Variants in RNF19A observed in about 807,000 individuals in gnomAD.
RNF19A encodes the protein ring finger protein 19A, RBR E3 ubiquitin protein ligase, also known as E3 ubiquitin-protein ligase RNF19A.
A neutral mutation model predicts 75.7 loss-of-function variants in RNF19A; 32 were observed. The observed-to-expected ratio is 0.42, with a 90% CI of 0.32 to 0.57. The LOEUF is 0.57. Among genes scored for constraint, RNF19A ranks in the 20% least tolerant of loss-of-function variants. The pLI is 0.10. For synonymous variants in RNF19A, 335 were observed against 345.2 expected (o/e 0.97, Z 0.33); for missense variants, 782 against 1,036.3 (o/e 0.75, Z 3.37).
At position 100,261,447 on chromosome 8, in the gene RNF19A, T is replaced by G; in HGVS notation, c.1682+95A>C. The G allele has an allele frequency of 1.8e-6, 2 of 1,082,300 alleles. No homozygotes were observed. Among genetic ancestry groups the G allele is most frequent in the South Asian group, 2.7e-5 (2 of 73,378 alleles). The allele number at this position is 1,082,300 out of a possible 1,614,324, so 67.0% of individuals were successfully genotyped here. A position where few individuals can be genotyped will look rare whatever the true frequency, so the allele number is the denominator to read the frequency against. On this transcript the variant is annotated intron_variant, in intron 8 of 9. Coordinates refer to ENST00000341084, the MANE Select transcript of RNF19A (RefSeq NM_183419.4). This position sits in a 1 kb window ranked among gnomAD's most constrained non-coding sequence, Gnocchi z 4.4. Reference sequence around the variant, plus strand: ...ATTTTGAACCTTGACATAGTAGGGTTATATATAATCATCATGCTTTATGTT... The same window carrying G: ...ATTTTGAACCTTGACATAGTAGGGTGATATATAATCATCATGCTTTATGTT...
At chr8:100,310,342 C>T (rs894060429), upstream of RNF19A, 2 of 722,742 alleles carry the variant, frequency 2.8e-6, no homozygotes, top group African/African-American at 3.8e-5. Flanking sequence ...CTGTCCCTGG[C>T]GGAGGGGACT....
At position 100,317,404 on chromosome 8, in the gene RNF19A, A is replaced by G. The variant is rs1054779718; in HGVS notation, c.-242-4032T>C. 2.6e-5 allele frequency among the ~76,000 whole-genome samples: 4 copies of G among 152,196 alleles called. No homozygotes were observed. Among genetic ancestry groups the G allele is most frequent in the South Asian group, 2.1e-4 (1 of 4,834 alleles). On this transcript the variant is annotated intron_variant, in intron 1 of 3. Transcript: ENST00000519527. The surrounding 1 kb of genome is among the most constrained non-coding windows in gnomAD (Gnocchi z 4.3). The stretch of plus-strand genomic sequence containing the variant: ...CAACTTCAGGAAGTTTTCTTCCACT[A>G]GATCTCTCACTGGGCCCTTCAGAGA...
In RNF19A at chr8:100,257,294, G is replaced by A. The variant is rs1479825840; in HGVS notation, c.*1262C>T. 1 of 152,480 alleles carries A rather than the reference G, an allele frequency of 6.6e-6. No homozygotes were observed. The allele number at this position is 152,480 out of a possible 1,614,324, so 9.4% of individuals were successfully genotyped here. A position where few individuals can be genotyped will look rare whatever the true frequency, so the allele number is the denominator to read the frequency against. ...GAAAACGCTCAGTAGCACCATAATGGTAATACTTAAAAGAAATACATAAGA... is the reference window on the plus strand; with the variant it reads ...GAAAACGCTCAGTAGCACCATAATGATAATACTTAAAAGAAATACATAAGA... On this transcript the variant is annotated 3_prime_UTR_variant, in exon 10 of 10. Transcript: ENST00000341084.
chr8:100,297,787 T>C (rs1482067254), intron 1 of RNF19A, among the ~76,000 whole-genome samples: 1 of 152,212 alleles, frequency 6.6e-6, no homozygotes, highest in African/African-American at 2.4e-5. Flanking sequence ...GATACAATTA[T>C]CTATCTTACT....
chr8:100,314,858 C>G (rs1281277428), upstream of RNF19A, among the ~76,000 whole-genome samples: 1 of 152,140 alleles, frequency 6.6e-6, no homozygotes, highest in African/African-American at 2.4e-5. The surrounding 1 kb of genome is among the most constrained non-coding windows in gnomAD (Gnocchi z 4.1). Flanking sequence ...AGGTAGAGAA[C>G]TTAATGCCTG....
In RNF19A at chr8:100,260,432, T is replaced by C. The variant is rs1329620274; in HGVS notation, c.1683-435A>G. 1.3e-5 allele frequency among the ~76,000 whole-genome samples: 2 copies of C among 152,154 alleles called. No homozygotes were observed. The highest frequency in any genetic ancestry group is 2.9e-5 in the Non-Finnish European group (2 of 68,022). ...AAATAACACCTGCCTTTTAATACTT[T>C]ATTTATTTATATATATTTTTAGAGA... On this transcript the variant is annotated intron_variant, in intron 8 of 9. Coordinates refer to ENST00000341084, the MANE Select transcript of RNF19A (RefSeq NM_183419.4). This position sits in a 1 kb window ranked among gnomAD's most constrained non-coding sequence, Gnocchi z 4.1.
At position 100,273,896 on chromosome 8, in the gene RNF19A, C is replaced by T. The variant is rs190970195; in HGVS notation, c.883+1057G>A. Among the ~76,000 whole-genome samples, 480 of 152,298 alleles carry T rather than the reference C, an allele frequency of 3.2e-3. 15 individuals carry two copies. The highest frequency in any genetic ancestry group is 0.027 in the Admixed American group (408 of 15,302). On this transcript the variant is annotated intron_variant, in intron 3 of 9. Transcript: ENST00000341084. ...CTCCTGGGTTCAAGTGATTCTCCTG[C>T]CTCACCTCCCGAGTAGCTGGGGATT...
rs999921202 is a variant in RNF19A at position 100,330,974 on chromosome 8, T to C, written c.-243+5134A>G. ...CCTTGTAACATTTTTGCAGGGAATC[T>C]TCTTTTCACTTCTAAATGCTTTTTG... is the stretch of plus-strand genomic sequence containing the variant. On this transcript the variant is annotated intron_variant, in intron 1 of 3. Coordinates refer to the RNF19A transcript ENST00000519527. This position sits in a 1 kb window ranked among gnomAD's most constrained non-coding sequence, Gnocchi z 4.1. Among the ~76,000 whole-genome samples, 1 of 152,256 alleles carries C rather than the reference T, an allele frequency of 6.6e-6. No individual in the cohort carries two copies. Among genetic ancestry groups the C allele is most frequent in the African/African-American group, 2.4e-5 (1 of 41,466 alleles).
upstream of RNF19A, among the ~76,000 whole-genome samples, chr8:100,312,025 T>C (rs1822307212): frequency 6.6e-6 from 1 of 152,150 alleles, no homozygotes; most frequent in Non-Finnish European, 1.5e-5. Flanking sequence ...GTCCAAGATG[T>C]AGTTTGTTCT....
rs1010658071 is a variant in RNF19A at position 100,332,857 on chromosome 8, T to A, written c.-243+3251A>T. Among the ~76,000 whole-genome samples, 1 of 152,246 alleles carries A rather than the reference T, an allele frequency of 6.6e-6. No individual in the cohort carries two copies. On this transcript the variant is annotated intron_variant, in intron 1 of 3. Transcript: ENST00000519527. This position sits in a 1 kb window ranked among gnomAD's most constrained non-coding sequence, Gnocchi z 4.8. Reference sequence around the variant, plus strand: ...TAGGATGTTGACCATTATTGATTGGTACAAGCTGTTTATATTTTGTGGAAA... The same window carrying A: ...TAGGATGTTGACCATTATTGATTGGAACAAGCTGTTTATATTTTGTGGAAA...
At chr8:100,272,797 G>A (rs774091538) in intron 3 of RNF19A, among the ~76,000 whole-genome samples, 1 of 152,102 alleles carries the variant, frequency 6.6e-6, no homozygotes, top group African/African-American at 2.4e-5. Flanking sequence ...CAATCTGGCC[G>A]CTTTGGCCTC....
At position 100,323,224 on chromosome 8, in the gene RNF19A, G is replaced by T. The variant is rs1822485546; in HGVS notation, c.-242-9852C>A. On this transcript the variant is annotated intron_variant, in intron 1 of 3. Transcript: ENST00000519527. This position sits in a 1 kb window ranked among gnomAD's most constrained non-coding sequence, Gnocchi z 4.6. Reference sequence around the variant, plus strand: ...AAGATGATGGGATATAGGACTCAATGGTTTTTATTTGAAGGTAGTATTTCA... The same window carrying T: ...AAGATGATGGGATATAGGACTCAATTGTTTTTATTTGAAGGTAGTATTTCA... Among the ~76,000 whole-genome samples the T allele has an allele frequency of 6.6e-6, 1 of 152,110 alleles. No homozygotes were observed. The highest frequency in any genetic ancestry group is 1.5e-5 in the Non-Finnish European group (1 of 68,028).
chr8:100,293,991 T>C (rs925419716), intron 1 of RNF19A, among the ~76,000 whole-genome samples: 7 of 152,240 alleles, frequency 4.6e-5, no homozygotes, highest in Non-Finnish European at 8.8e-5. Context: ...ACCCACATGT[T>C]CGGTCATTAT....
rs1822477441 is a variant in RNF19A, at chr8:100,322,494, A to C, written c.-242-9122T>G. On this transcript the variant is annotated intron_variant, in intron 1 of 3. Transcript: ENST00000519527. The surrounding 1 kb of genome is among the most constrained non-coding windows in gnomAD (Gnocchi z 5.1). ...TAAGGTTTAATCTTCTATTCAGACC[A>C]TTTAAACTTTCTCCAAATTAGCAAT... Among the ~76,000 whole-genome samples the C allele has an allele frequency of 6.6e-6, 1 of 152,240 alleles. No individual in the cohort carries two copies. Among genetic ancestry groups the C allele is most frequent in the Non-Finnish European group, 1.5e-5 (1 of 68,038 alleles).
chr8:100,308,942 A>T (rs1276069082), intron 1 of RNF19A, among the ~76,000 whole-genome samples: 4 of 152,218 alleles, frequency 2.6e-5, no homozygotes, highest in African/African-American at 9.7e-5. Context: ...CCAAGGGTCA[A>T]TGGGAAAAAA....
In RNF19A at chr8:100,269,702, A is replaced by T. The variant is rs1394709066; in HGVS notation, c.1028+167T>A. On this transcript the variant is annotated intron_variant, in intron 4 of 9. Transcript: ENST00000341084. The surrounding 1 kb of genome is among the most constrained non-coding windows in gnomAD (Gnocchi z 5.7). ...TATCCATTTCCTATTTTGACTAGTT[A>T]TTAATTCCAAATGACTAGCATAATA... Among the ~76,000 whole-genome samples, 1 of 152,206 alleles carries T rather than the reference A, an allele frequency of 6.6e-6. No individual in the cohort carries two copies. The highest frequency in any genetic ancestry group is 1.5e-5 in the Non-Finnish European group (1 of 68,004).
chr8:100,298,481 C>T (rs1409072218), intron 1 of RNF19A, among the ~76,000 whole-genome samples: 2 of 152,042 alleles, frequency 1.3e-5, no homozygotes. Context: ...TATCAGTTTC[C>T]AACAAGTTCT....
intron 1 of RNF19A, among the ~76,000 whole-genome samples, chr8:100,298,051 A>G (rs1246901142): frequency 2.0e-5 from 3 of 152,164 alleles, no homozygotes; most frequent in Admixed American, 6.5e-5. Context: ...TACAGTACCT[A>G]CAGTCCATAG....
At position 100,259,659 on chromosome 8, in the gene RNF19A, C is replaced by T. The variant is rs960304580; in HGVS notation, c.1826+195G>A. Among the ~76,000 whole-genome samples, 4 of 152,116 alleles carry T rather than the reference C, an allele frequency of 2.6e-5. No individual in the cohort carries two copies. The highest frequency in any genetic ancestry group is 6.5e-5 in the Admixed American group (1 of 15,272). ...CATTAGCAGTTAGTTACCATTCTTC[C>T]CTTTCCCAGCCCTTGACAACCACAA... On this transcript the variant is annotated intron_variant, in intron 9 of 9. Coordinates refer to ENST00000341084, the MANE Select transcript of RNF19A (RefSeq NM_183419.4). The surrounding 1 kb of genome is among the most constrained non-coding windows in gnomAD (Gnocchi z 4.5).
Sources: allele counts gnomAD v4.1 joint callset (sites outside exome capture counted in the v4.1 genomes callset), GRCh38; gene constraint gnomAD v4.1.1; non-coding constraint Gnocchi (gnomAD v3.1); transcripts MANE v1.5; gene names NCBI Gene and HGNC (gene_info 2026-07-23, HGNC 2026-07-21).